The following CFAP70 variants were observed in gnomAD, a reference collection of about 807,000 sequenced individuals.
CFAP70 encodes the protein cilia- and flagella-associated protein 70.
A neutral mutation model predicts 137.6 loss-of-function variants in CFAP70; 81 were observed. The ratio of observed to expected loss-of-function variants is 0.59; its 90% confidence interval spans 0.49 to 0.71. The LOEUF (loss-of-function observed/expected upper bound fraction) is 0.71. CFAP70 is among the 30% of genes least tolerant of loss of function. The pLI is 0.00. For synonymous variants in CFAP70, 382 were observed against 423.6 expected (o/e 0.90, Z 1.20); for missense variants, 976 against 1,226.7 (o/e 0.80, Z 3.05).
chr10:73,256,426 G>T lies in CFAP70; in HGVS notation c.3028-10C>A. On this transcript the variant is annotated splice_polypyrimidine_tract_variant and intron_variant, in intron 25 of 26. Coordinates refer to ENST00000310715, the Ensembl canonical transcript of CFAP70. ...CTAATTGCCGTCCAACCTGAAAAAA[G>T]TGCAGCAGTTGGTGATGATGACAGG... is the stretch of plus-strand genomic sequence containing the variant. 1 of 1,614,002 alleles carries T rather than the reference G, an allele frequency of 6.2e-7. No individual in the cohort carries two copies. The highest frequency in any genetic ancestry group is 8.5e-7 in the Non-Finnish European group (1 of 1,179,966).
At chr10:73,268,702 C>CT (rs149821529) in intron 25 of CFAP70, among the ~76,000 whole-genome samples, 23,714 of 149,244 alleles carry the variant, frequency 0.16, 3,072 homozygotes, top group East Asian at 0.55. Context: ...TCTTTTTTTT[C>CT]TTTTTTTTTG....
intron 19 of CFAP70, among the ~76,000 whole-genome samples, chr10:73,281,971 T>C (rs1308050854): frequency 6.6e-6 from 1 of 152,160 alleles, no homozygotes; most frequent in East Asian, 1.9e-4. Context: ...GACGTGATTC[T>C]AGTGAAAGAG....
At position 73,356,249 on chromosome 10, in the gene CFAP70, A is replaced by G. The variant is rs141875429; in HGVS notation, c.-39-1414T>C. Among the ~76,000 whole-genome samples, 370 of 149,012 alleles carry G rather than the reference A, an allele frequency of 2.5e-3. 8 individuals are homozygous for G. The highest frequency in any genetic ancestry group is 8.2e-3 in the African/African-American group (332 of 40,260). ...GCTCTCATTCTGTCACCCAGGCTGGAGTGCAGTGGTGTGATCACAGCTCAC... is the reference window on the plus strand; with the variant it reads ...GCTCTCATTCTGTCACCCAGGCTGGGGTGCAGTGGTGTGATCACAGCTCAC... On this transcript the variant is annotated intron_variant, in intron 1 of 26. Coordinates refer to ENST00000310715, the Ensembl canonical transcript of CFAP70.
chr10:73,314,032 A>C (rs1455324790), intron 9 of CFAP70, among the ~76,000 whole-genome samples: 1 of 152,240 alleles, frequency 6.6e-6, no homozygotes, highest in Non-Finnish European at 1.5e-5. Flanking sequence ...ATTTTACAAC[A>C]ATTTTTCCCT....
intron 25 of CFAP70, among the ~76,000 whole-genome samples, chr10:73,265,632 T>C (rs2045683484): frequency 6.6e-6 from 1 of 152,212 alleles, no homozygotes; most frequent in Non-Finnish European, 1.5e-5. Context: ...CGCACGCTCA[T>C]TTTCAAATTG....
exon 19 of CFAP70, chr10:73,291,435 T>A (rs1296673339): frequency 3.1e-6 from 5 of 1,614,130 alleles, no homozygotes; most frequent in Non-Finnish European, 4.2e-6. Context: ...TTGAATTTCA[T>A]AGTACAAACC....
chr10:73,265,873 A>ATTTTT lies in CFAP70; in HGVS notation c.3027+3736_3027+3740dup, dbSNP rs58877464. ...CTCTTTCTTTCATACTGTCATAGCT[A>ATTTTT]TTTTTTTTTTTTTGGTCTTTATTCA... On this transcript the variant is annotated intron_variant, in intron 25 of 26. Transcript: ENST00000310715. 2.5e-4 allele frequency among the ~76,000 whole-genome samples: 36 copies of ATTTTT among 141,972 alleles called. No homozygotes were observed. The South Asian group carries it at 6.8e-3, about 27-fold the overall frequency. The allele number at this position is 141,972 out of a possible 152,430, so 93.1% of individuals were successfully genotyped here.
chr10:73,360,237 G>A (rs1321264471), upstream of CFAP70, among the ~76,000 whole-genome samples: 1 of 152,132 alleles, frequency 6.6e-6, no homozygotes, highest in Non-Finnish European at 1.5e-5. Flanking sequence ...CTGTTTAGGG[G>A]AAAATAAACA....
chr10:73,299,536 C>A, intron 13 of CFAP70, 69 bp downstream of exon 14: 1 of 1,272,190 alleles, frequency 7.9e-7, no homozygotes, highest in Non-Finnish European at 1.1e-6. Context: ...TTAAAGAGTC[C>A]ATGCAATTAA....
chr10:73,281,692 G>A (rs1188857300), intron 19 of CFAP70, among the ~76,000 whole-genome samples: 1 of 151,632 alleles, frequency 6.6e-6, no homozygotes, highest in Non-Finnish European at 1.5e-5. Context: ...TCTACCAAAA[G>A]GACACATGTG....
intron 8 of CFAP70, among the ~76,000 whole-genome samples, chr10:73,324,056 C>A (rs1052261907): frequency 3.3e-5 from 5 of 152,196 alleles, no homozygotes; most frequent in African/African-American, 4.8e-5. Flanking sequence ...GACCCCTGAC[C>A]CCCGAGCAGC....
chr10:73,269,587 C>T, intron 25 of CFAP70, 27 bp downstream of exon 26: 1 of 1,547,590 alleles, frequency 6.5e-7, no homozygotes, highest in Non-Finnish European at 8.9e-7. Context: ...CCTAAAAGGG[C>T]ATTGTGTAAG....
chr10:73,346,125 C>T (rs1485121697), intron 4 of CFAP70, among the ~76,000 whole-genome samples: 1 of 151,724 alleles, frequency 6.6e-6, no homozygotes, highest in Non-Finnish European at 1.5e-5. Flanking sequence ...TCTCAAACTC[C>T]TGACCTCGTG....
intron 6 of CFAP70, among the ~76,000 whole-genome samples, chr10:73,341,190 A>G (rs1291746300): frequency 6.6e-6 from 1 of 152,260 alleles, no homozygotes; most frequent in Non-Finnish European, 1.5e-5. Context: ...TTTAAAATAA[A>G]ATAAAGAGTA....
At chr10:73,272,843 T>C (rs2046419039) in intron 24 of CFAP70, 85 bp downstream of exon 25, 1 of 1,227,114 alleles carries the variant, frequency 8.1e-7, no homozygotes, top group Non-Finnish European at 1.2e-6. Context: ...TCCAATGTCA[T>C]CACAAACCCC....
At chr10:73,315,733 C>T (rs11000601) in intron 9 of CFAP70, among the ~76,000 whole-genome samples, 16,058 of 151,984 alleles carry the variant, frequency 0.11, 1,224 homozygotes, top group East Asian at 0.3. Flanking sequence ...ACCCAGACAA[C>T]TTTTTTATTT....
intron 12 of CFAP70, among the ~76,000 whole-genome samples, chr10:73,309,124 T>C (rs1473244807): frequency 1.3e-5 from 2 of 152,054 alleles, no homozygotes; most frequent in African/African-American, 4.8e-5. Flanking sequence ...ATCAACAAGA[T>C]TGACAAACTT....
intron 19 of CFAP70, among the ~76,000 whole-genome samples, chr10:73,287,392 T>A (rs2047809271): frequency 2.0e-5 from 3 of 152,234 alleles, no homozygotes; most frequent in Non-Finnish European, 1.5e-5. Context: ...GTCACATATG[T>A]GATTCATCAT....
At chr10:73,300,005 G>A (rs2048829603) in intron 12 of CFAP70, among the ~76,000 whole-genome samples, 1 of 152,060 alleles carries the variant, frequency 6.6e-6, no homozygotes, top group Admixed American at 6.6e-5. Context: ...GAAAGAAATG[G>A]GTGTCAACAT....
Sources: gnomAD v4.1 joint callset for allele counts (sites outside exome capture counted in the v4.1 genomes callset) on GRCh38, gnomAD v4.1.1 for gene constraint, MANE v1.5 for transcripts, NCBI Gene and HGNC (gene_info 2026-07-23, HGNC 2026-07-21) for gene names.